Variants in NWD2 observed in about 807,000 individuals in gnomAD.
NWD2 encodes the protein NACHT and WD repeat domain containing 2, also known as NACHT and WD repeat domain-containing protein 2.
A neutral mutation model predicts 132.7 loss-of-function variants in NWD2; 37 were observed. That is an observed-to-expected ratio of 0.28 (90% CI 0.21 to 0.37). NWD2 has a LOEUF of 0.37. Among genes scored for constraint, NWD2 ranks in the 10% least tolerant of loss-of-function variants. The pLI is 1.00. For synonymous variants in NWD2, 705 were observed against 803.0 expected, an observed-to-expected ratio of 0.88 and a Z score of 2.06; for missense variants, 1,592 against 2,122.4, an observed-to-expected ratio of 0.75 and a Z score of 4.91.
intron 3 of NWD2, among the ~76,000 whole-genome samples, chr4:37,389,304 C>T (rs2109311265): frequency 6.6e-6 from 1 of 152,304 alleles, no homozygotes. Flanking sequence ...CACTTTGAAG[C>T]CTGGATTCAT....
At chr4:37,346,294 A>G (rs1719635010) in intron 2 of NWD2, among the ~76,000 whole-genome samples, 1 of 152,166 alleles carries the variant, frequency 6.6e-6, no homozygotes, top group Non-Finnish European at 1.5e-5. Context: ...GAATTGTTTT[A>G]GTACCCTTAT....
chr4:37,420,008 C>G (rs1479026645), intron 3 of NWD2, among the ~76,000 whole-genome samples: 2 of 152,168 alleles, frequency 1.3e-5, no homozygotes, highest in African/African-American at 4.8e-5. Flanking sequence ...TTCCTAGTTT[C>G]CTAGAAACCA....
At chr4:37,249,453 A>G (rs1717309164) in intron 1 of NWD2, among the ~76,000 whole-genome samples, 1 of 152,226 alleles carries the variant, frequency 6.6e-6, no homozygotes. Flanking sequence ...CAGTGGGCAG[A>G]GCACAGACCA....
chr4:37,397,967 A>G (rs1720831919), intron 3 of NWD2, among the ~76,000 whole-genome samples: 1 of 152,158 alleles, frequency 6.6e-6, no homozygotes. Context: ...TTGAAAACAG[A>G]TCTGTCATTG....
At chr4:37,284,118 ATTG>A (rs548686370) in intron 1 of NWD2, among the ~76,000 whole-genome samples, 128 of 152,306 alleles carry the variant, frequency 8.4e-4, no homozygotes, top group Non-Finnish European at 1.7e-3. Flanking sequence ...AAGCTACAAA[ATTG>A]TATTTCTCAC....
chr4:37,305,540 G>A (rs1718694993), intron 1 of NWD2, among the ~76,000 whole-genome samples: 1 of 152,174 alleles, frequency 6.6e-6, no homozygotes, highest in Non-Finnish European at 1.5e-5. Context: ...TTTATTGAGA[G>A]TTTTATCATA....
At chr4:37,274,687 A>T (rs1359664486) in intron 1 of NWD2, among the ~76,000 whole-genome samples, 1 of 151,908 alleles carries the variant, frequency 6.6e-6, no homozygotes, top group African/African-American at 2.4e-5. Context: ...CCTCAATAAA[A>T]TACTGGCAAA....
intron 3 of NWD2, among the ~76,000 whole-genome samples, chr4:37,393,749 G>A (rs1402099483): frequency 2.0e-5 from 3 of 152,114 alleles, no homozygotes; most frequent in Non-Finnish European, 4.4e-5. Context: ...ATGTAACACG[G>A]ACTTCTGCAG....
At chr4:37,335,618 T>C (rs1719391745) in intron 2 of NWD2, among the ~76,000 whole-genome samples, 1 of 152,018 alleles carries the variant, frequency 6.6e-6, no homozygotes, top group African/African-American at 2.4e-5. Flanking sequence ...CATTACCGCC[T>C]GAGCTCCTTC....
Position 37,443,493 on chromosome 4 carries a change from A to C in NWD2, c.1505A>C (p.Glu502Ala). 2 of 1,552,112 alleles carry C rather than the reference A, an allele frequency of 1.3e-6. No individual in the cohort carries two copies. The highest frequency in any genetic ancestry group is 8.7e-7 in the Non-Finnish European group (1 of 1,147,076). ...LCDLFINLLN[E>A]SSLQRPLVII... is the part of the protein sequence containing the mutation. ...GACTTATTTATAAATCTTTTGAATG[A>C]GTCTTCACTGCAGAGACCTCTAGTC... The change falls in exon 7 of 7, where the codon GAG becomes GCG. Residue 502 changes from glutamate (E) to alanine (A), a missense_variant. Physicochemically the swap from Glu to Ala is moderately radical, Grantham distance 107. This residue lies in a region of NWD2 where 1,071 missense variants were observed against 1,398.0 expected (regional missense o/e 0.77). Transcript: ENST00000309447. The surrounding 1 kb of genome is among the most constrained non-coding windows in gnomAD (Gnocchi z 4.1).
At chr4:37,292,742 G>C (rs567522271) in intron 1 of NWD2, among the ~76,000 whole-genome samples, 1 of 152,284 alleles carries the variant, frequency 6.6e-6, no homozygotes, top group African/African-American at 2.4e-5. Context: ...TTGGATTTGG[G>C]ATGGAACTGT....
intron 6 of NWD2, among the ~76,000 whole-genome samples, chr4:37,441,291 G>A (rs1712478271): frequency 6.6e-6 from 1 of 152,186 alleles, no homozygotes; most frequent in Non-Finnish European, 1.5e-5. Flanking sequence ...ATTTGTATGT[G>A]TATCTTCAAA....
chr4:37,381,930 AT>A (rs1468963484), intron 3 of NWD2, among the ~76,000 whole-genome samples: 1 of 152,170 alleles, frequency 6.6e-6, no homozygotes, highest in Non-Finnish European at 1.5e-5. Flanking sequence ...GTGGGATAAC[AT>A]TTTTTTAAAT....
At chr4:37,418,016 G>A (rs992591856) in intron 3 of NWD2, among the ~76,000 whole-genome samples, 1 of 152,082 alleles carries the variant, frequency 6.6e-6, no homozygotes, top group Non-Finnish European at 1.5e-5. Flanking sequence ...CAGCAAAGTA[G>A]CAACAACAAC....
chr4:37,398,046 A>G (rs1161011928), intron 3 of NWD2, among the ~76,000 whole-genome samples: 1 of 152,162 alleles, frequency 6.6e-6, no homozygotes, highest in Admixed American at 6.5e-5. Context: ...TTTCATCACC[A>G]CTACTTTGAA....
chr4:37,412,680 T>C (rs1181485956), intron 3 of NWD2, among the ~76,000 whole-genome samples: 1 of 102,364 alleles, frequency 9.8e-6, no homozygotes, highest in Non-Finnish European at 1.9e-5. Flanking sequence ...AACACAATCC[T>C]GGGCAAGAAA....
chr4:37,295,002 A>G (rs4832892), intron 1 of NWD2, among the ~76,000 whole-genome samples: 40,360 of 152,108 alleles, frequency 0.27, 5,974 homozygotes, highest in Middle Eastern at 0.41. Context: ...CTGAATCCAC[A>G]TGTTACAGGA....
chr4:37,436,218 G>C lies in NWD2; in HGVS notation c.706+2198G>C, dbSNP rs375804665. 4.1e-3 allele frequency among the ~76,000 whole-genome samples: 621 copies of C among 152,092 alleles called. 10 individuals are homozygous for C. The highest frequency in any genetic ancestry group is 0.014 in the African/African-American group (594 of 41,476). On this transcript the variant is annotated intron_variant, in intron 5 of 6. Coordinates refer to ENST00000309447, the MANE Select transcript of NWD2 (RefSeq NM_001144990.2). ...GGATGCTCTCACTGGTTAAATTTCAGGACATTAAGGAACATGCAAAAACAG... is the reference window on the plus strand; with the variant it reads ...GGATGCTCTCACTGGTTAAATTTCACGACATTAAGGAACATGCAAAAACAG...
At chr4:37,275,614 G>C (rs528165434) in intron 1 of NWD2, among the ~76,000 whole-genome samples, 1 of 151,006 alleles carries the variant, frequency 6.6e-6, no homozygotes, top group Admixed American at 6.6e-5. Context: ...AGCCCACATC[G>C]CCAAGTCAAT....
Sources: gnomAD v4.1 joint callset for allele counts (sites outside exome capture counted in the v4.1 genomes callset) on GRCh38, gnomAD v4.1.1 for gene constraint, gnomAD v4.1.1 regional missense constraint, Gnocchi (gnomAD v3.1) non-coding constraint, MANE v1.5 for transcripts, NCBI Gene and HGNC (gene_info 2026-07-23, HGNC 2026-07-21) for gene names.